SLC35F4: variants seen among roughly 807,000 people sequenced by gnomAD.
SLC35F4 encodes chromosome 14 open reading frame 36.
In SLC35F4, 24 loss-of-function variants were observed where a neutral mutation model predicts 44.2. That is an observed-to-expected ratio of 0.54 (90% CI 0.39 to 0.76). The LOEUF is 0.76. Among genes scored for constraint, SLC35F4 ranks in the 30% least tolerant of loss-of-function variants. The probability of loss-of-function intolerance (pLI) is 0.00; values close to 1 mark genes in which losing one functional copy is unlikely to be tolerated. For synonymous variants in SLC35F4, 238 were observed against 223.6 expected, an observed-to-expected ratio of 1.06 and a Z score of -0.57; for missense variants, 562 against 586.1, an observed-to-expected ratio of 0.96 and a Z score of 0.42.
chr14:57,780,525 C>G (rs115983036), intron 1 of SLC35F4, among the ~76,000 whole-genome samples: 13,797 of 152,126 alleles, frequency 0.091, 705 homozygotes, highest in Middle Eastern at 0.15. Context: ...AAGAAATTTA[C>G]AGATTCAGTG....
chr14:57,917,334 C>T (rs890724848), intron 1 of SLC35F4, among the ~76,000 whole-genome samples: 3 of 152,212 alleles, frequency 2.0e-5, no homozygotes, highest in Non-Finnish European at 4.4e-5. Context: ...GCTGGGATTA[C>T]AGGCGTGAGT....
chr14:57,789,857 A>G (rs1005770078), intron 1 of SLC35F4, among the ~76,000 whole-genome samples: 2 of 152,218 alleles, frequency 1.3e-5, no homozygotes, highest in African/African-American at 4.8e-5. Context: ...ACATCAATCA[A>G]TGTAATGCAT....
chr14:57,901,126 C>T (rs111343272), intron 1 of SLC35F4, among the ~76,000 whole-genome samples: 2,288 of 152,240 alleles, frequency 0.015, 27 homozygotes, highest in Middle Eastern at 0.044. Context: ...TCTTCAAAGA[C>T]CTAGAGGCAG....
chr14:57,579,299 T>C (rs566280461), intron 4 of SLC35F4: 2 of 152,244 alleles, frequency 1.3e-5, no homozygotes, highest in Non-Finnish European at 2.9e-5. Context: ...CCACTGCAGA[T>C]GGCAAATTTT....
At chr14:57,650,335 C>G (rs2073732798) in intron 1 of SLC35F4, among the ~76,000 whole-genome samples, 1 of 152,122 alleles carries the variant, frequency 6.6e-6, no homozygotes, top group Non-Finnish European at 1.5e-5. Context: ...AAAAATGTTT[C>G]AAGCAGAAAT....
chr14:57,598,670 A>G (rs775013804), intron 1 of SLC35F4, among the ~76,000 whole-genome samples: 2 of 152,208 alleles, frequency 1.3e-5, no homozygotes, highest in Non-Finnish European at 2.9e-5. Context: ...CTATCATTCA[A>G]ACAAAGGCCT....
At chr14:57,792,343 C>T (rs1268489350) in intron 1 of SLC35F4, among the ~76,000 whole-genome samples, 1 of 152,148 alleles carries the variant, frequency 6.6e-6, no homozygotes, top group Non-Finnish European at 1.5e-5. Flanking sequence ...CTATGGAAAA[C>T]AGTGTGAAGA....
At chr14:57,794,950 T>C (rs748158885) in intron 1 of SLC35F4, among the ~76,000 whole-genome samples, 2 of 152,124 alleles carry the variant, frequency 1.3e-5, no homozygotes, top group Non-Finnish European at 2.9e-5. Context: ...ATTCAGAAGA[T>C]GGGTTTTGAA....
At chr14:57,704,896 C>A (rs2075631644) in intron 1 of SLC35F4, among the ~76,000 whole-genome samples, 1 of 152,184 alleles carries the variant, frequency 6.6e-6, no homozygotes, top group Non-Finnish European at 1.5e-5. Context: ...CCCATCAGGG[C>A]TTCTTGCAGC....
intron 1 of SLC35F4, among the ~76,000 whole-genome samples, chr14:57,947,308 A>C (rs776609165): frequency 6.7e-6 from 1 of 148,356 alleles, no homozygotes; most frequent in Admixed American, 6.7e-5. Flanking sequence ...AAAGGGATTG[A>C]GTTCCTGATT....
At chr14:57,932,683 T>C (rs1189743182) in intron 1 of SLC35F4, among the ~76,000 whole-genome samples, 1 of 152,128 alleles carries the variant, frequency 6.6e-6, no homozygotes, top group Non-Finnish European at 1.5e-5. Context: ...ATCCCATCTC[T>C]ACTAAAAATA....
At chr14:57,765,746 C>A (rs566906829) in intron 1 of SLC35F4, among the ~76,000 whole-genome samples, 1 of 151,996 alleles carries the variant, frequency 6.6e-6, no homozygotes, top group African/African-American at 2.4e-5. Flanking sequence ...CCAAAGGAAA[C>A]GTAAAAATCC....
intron 1 of SLC35F4, among the ~76,000 whole-genome samples, chr14:57,653,397 A>C (rs1384478281): frequency 1.3e-5 from 2 of 152,196 alleles, no homozygotes; most frequent in African/African-American, 4.8e-5. Context: ...ACTGCTAAAG[A>C]AGCAAGTGCC....
chr14:57,821,178 A>C (rs138792938), intron 1 of SLC35F4, among the ~76,000 whole-genome samples: 1 of 152,172 alleles, frequency 6.6e-6, no homozygotes, highest in Non-Finnish European at 1.5e-5. Context: ...TCACACAGAC[A>C]ACTTCTTCCC....
intron 1 of SLC35F4, among the ~76,000 whole-genome samples, chr14:57,638,374 G>A (rs1671645533): frequency 6.6e-6 from 1 of 152,084 alleles, no homozygotes; most frequent in Non-Finnish European, 1.5e-5. Context: ...AAAAGTCTCA[G>A]CCCCAGAGTG....
chr14:57,730,971 T>C (rs1027180081), intron 1 of SLC35F4, among the ~76,000 whole-genome samples: 5 of 152,148 alleles, frequency 3.3e-5, no homozygotes, highest in African/African-American at 1.2e-4. Flanking sequence ...TGGTAGCAGT[T>C]ATAGGTAGAA....
chr14:57,669,771 G>A (rs1328507193), intron 1 of SLC35F4, among the ~76,000 whole-genome samples: 2 of 152,032 alleles, frequency 1.3e-5, no homozygotes, highest in African/African-American at 4.8e-5. Flanking sequence ...ATGTTCACCA[G>A]GGATATTGGT....
At chr14:57,631,370 A>G (rs941034971) in intron 1 of SLC35F4, among the ~76,000 whole-genome samples, 3 of 152,122 alleles carry the variant, frequency 2.0e-5, no homozygotes, top group Non-Finnish European at 4.4e-5. Flanking sequence ...TGGCAAAAAT[A>G]ATTTTAAAGG....
At chr14:57,946,168 C>T (rs1308724020) in intron 1 of SLC35F4, among the ~76,000 whole-genome samples, 1 of 152,056 alleles carries the variant, frequency 6.6e-6, no homozygotes, top group East Asian at 1.9e-4. Context: ...GTTGCATTTG[C>T]TTTTGGTTTC....
Sources: gnomAD v4.1 joint callset for allele counts (sites outside exome capture counted in the v4.1 genomes callset) on GRCh38, gnomAD v4.1.1 for gene constraint, MANE v1.5 for transcripts, NCBI Gene and HGNC (gene_info 2026-07-23, HGNC 2026-07-21) for gene names.